The following TRPA1 variants were observed in gnomAD, a reference collection of about 807,000 sequenced individuals.
TRPA1 encodes transient receptor potential cation channel subfamily A member 1.
A neutral mutation model predicts 131.3 loss-of-function variants in TRPA1; 129 were observed. The observed-to-expected ratio is 0.98, with a 90% CI of 0.85 to 1.14. TRPA1 has a LOEUF of 1.14. Among genes scored for constraint, TRPA1 ranks in the 50% most tolerant of loss-of-function variants. TRPA1 has a pLI of 0.00. For synonymous variants in TRPA1, 441 were observed against 451.7 expected (o/e 0.98, Z 0.30); for missense variants, 1,304 against 1,354.2 (o/e 0.96, Z 0.58).
chr8:72,029,370 A>G (rs1192654211), intron 24 of TRPA1, among the ~76,000 whole-genome samples: 1 of 152,180 alleles, frequency 6.6e-6, no homozygotes, highest in African/African-American at 2.4e-5. Flanking sequence ...CAATTTCTCT[A>G]AGATTGTTCT....
chr8:72,043,298 AT>A (rs34011334), intron 17 of TRPA1, among the ~76,000 whole-genome samples: 126 of 151,926 alleles, frequency 8.3e-4, no homozygotes, highest in Non-Finnish European at 1.4e-3. Flanking sequence ...AGGGATAATT[AT>A]TTTGTATTTA....
At chr8:72,088,447 T>G in the TRPA1 span, among the ~76,000 whole-genome samples, 1 of 146,838 alleles carries the variant, frequency 6.8e-6, no homozygotes, top group South Asian at 2.3e-4. Context: ...GACAACAATC[T>G]CAATCCAATT....
chr8:72,081,924 A>G, the TRPA1 span, among the ~76,000 whole-genome samples: 1 of 151,878 alleles, frequency 6.6e-6, no homozygotes, highest in Non-Finnish European at 1.5e-5. Flanking sequence ...TCTTTTATAC[A>G]GGTTGACAGT....
chr8:72,053,592 T>A lies in TRPA1; in HGVS notation c.1644+161A>T, dbSNP rs1428205569. On this transcript the variant is annotated intron_variant, in intron 13 of 26. Coordinates refer to ENST00000262209, the MANE Select transcript of TRPA1 (RefSeq NM_007332.3). Reference sequence around the variant, plus strand: ...TGGTATTCTCCCAATTCTGTTGCCTTTTGATTCATACTTCACCTCAAGAAT... The same window carrying A: ...TGGTATTCTCCCAATTCTGTTGCCTATTGATTCATACTTCACCTCAAGAAT... 4 of 666,010 alleles carry A rather than the reference T, an allele frequency of 6.0e-6. 1 individual carries two copies. Among genetic ancestry groups the A allele is most frequent in the South Asian group, 4.9e-5 (3 of 61,388 alleles). The allele number at this position is 666,010 out of a possible 1,614,324, so 41.3% of individuals were successfully genotyped here.
intron 26 of TRPA1, chr8:72,023,483 G>A (rs1415198684): frequency 4.7e-6 from 2 of 423,812 alleles, no homozygotes; most frequent in Non-Finnish European, 8.6e-6. Flanking sequence ...CCACCACATA[G>A]TTACTCCAGG....
chr8:72,050,734 T>A, intron 15 of TRPA1, 44 bp downstream of exon 15: 1 of 1,253,744 alleles, frequency 8.0e-7, no homozygotes, highest in African/African-American at 1.5e-5. Context: ...CAACAACATA[T>A]GTCAAGCATA....
chr8:72,052,688 T>C lies in TRPA1; in HGVS notation c.1722A>G (p.Ile574Met). 6.2e-7 allele frequency: 1 copy of C among 1,613,858 alleles called. No individual in the cohort carries two copies. The highest frequency in any genetic ancestry group is 2.2e-5 in the East Asian group (1 of 44,856). Residue 574 changes from isoleucine to methionine, a missense_variant, in exon 14 of 27, where the codon ATA (isoleucine) becomes ATG (methionine). Physicochemically the swap from Ile to Met is conservative, Grantham distance 10 (BLOSUM62 1). Coordinates refer to ENST00000262209, the MANE Select transcript of TRPA1 (RefSeq NM_007332.3). ...VALLLSHNAD[I>M]VLNKQQASFL... ...AGGAGGCCTGCTGCTTGTTCAGGACTATGTCAGCATTGTGGCTCAGAAGAA... is the reference window on the plus strand; with the variant it reads ...AGGAGGCCTGCTGCTTGTTCAGGACCATGTCAGCATTGTGGCTCAGAAGAA...
intron 24 of TRPA1, among the ~76,000 whole-genome samples, chr8:72,027,586 C>T (rs1321249420): frequency 6.6e-6 from 1 of 152,184 alleles, no homozygotes; most frequent in Non-Finnish European, 1.5e-5. Flanking sequence ...GAAGAACTGA[C>T]AGTCCCCATA....
At chr8:72,073,987 C>T (rs1319489863) in intron 1 of TRPA1, among the ~76,000 whole-genome samples, 1 of 152,200 alleles carries the variant, frequency 6.6e-6, no homozygotes, top group Non-Finnish European at 1.5e-5. Flanking sequence ...ACATGCCTGA[C>T]TCACACACAC....
chr8:72,069,192 T>A lies in TRPA1; in HGVS notation c.275A>T (p.His92Leu), dbSNP rs758533782. The A allele has an allele frequency of 6.2e-7, 1 of 1,614,214 alleles. No homozygotes were observed. The highest frequency in any genetic ancestry group is 2.2e-5 in the East Asian group (1 of 44,876). ...ITRDSSLEVLHEMDDYGNTPL... is the reference protein window; with the variant it reads ...ITRDSSLEVLLEMDDYGNTPL... ...GGTATTTCCATAATCATCCATTTCA[T>A]GCAGCACTAGAAAAAGAAACCAGAA... Residue 92 changes from histidine to leucine, a missense_variant, in exon 3 of 27, where the codon CAT becomes CTT. By Grantham distance (99) the His-to-Leu change is moderately conservative. Coordinates refer to ENST00000262209, the MANE Select transcript of TRPA1 (RefSeq NM_007332.3).
At position 72,059,422 on chromosome 8, in the gene TRPA1, G is replaced by T; in HGVS notation, c.961C>A (p.His321Asn). ...TMLHRASLFDHHELADYLISV... is the reference protein window; with the variant it reads ...TMLHRASLFDNHELADYLISV... ...ATTAAATAGTCTGCTAGCTCATGGT[G>T]ATCAAACAATGAAGCTCTGAAAAAA... Residue 321 changes from histidine to asparagine, a missense_variant, in exon 8 of 27, where the codon CAC (histidine) becomes AAC (asparagine). Coordinates refer to ENST00000262209, the MANE Select transcript of TRPA1 (RefSeq NM_007332.3). 6.3e-7 allele frequency: 1 copy of T among 1,584,338 alleles called. No homozygotes were observed. The highest frequency in any genetic ancestry group is 8.6e-7 in the Non-Finnish European group (1 of 1,158,960).
At chr8:72,037,166 CT>C (rs985116227) in intron 20 of TRPA1, among the ~76,000 whole-genome samples, 41 of 152,028 alleles carry the variant, frequency 2.7e-4, no homozygotes, top group African/African-American at 8.7e-4. Context: ...CTTAATGTAC[CT>C]ATATGAAAGT....
chr8:72,056,778 C>G (rs1022713338), intron 10 of TRPA1, 139 bp downstream of exon 10: 8 of 689,382 alleles, frequency 1.2e-5, no homozygotes, highest in Middle Eastern at 8.0e-4. Context: ...ACTAAATAGT[C>G]AAATATGTCA....
At position 72,034,280 on chromosome 8, in the gene TRPA1, C is replaced by T. The variant is rs1264221196; in HGVS notation, c.2653G>A (p.Gly885Arg). The T allele has an allele frequency of 1.2e-6, 2 of 1,608,088 alleles. No individual in the cohort carries two copies. Among genetic ancestry groups the T allele is most frequent in the South Asian group, 1.1e-5 (1 of 89,350 alleles). ...TTCAGGAGGATGTAAAAGCTGAGTC[C>T]AAAAGCCAGAAGAAGGAAGATAAAT... ...VVFIFLLLAF[G>R]LSFYILLNLQ... The change falls in exon 22 of 27, where the codon GGA becomes AGA. Residue 885 changes from glycine (G) to arginine (R), a missense_variant. Gly to Arg is a moderately radical substitution (Grantham distance 125). Coordinates refer to ENST00000262209, the MANE Select transcript of TRPA1 (RefSeq NM_007332.3).
At position 72,055,550 on chromosome 8, in the gene TRPA1, G is replaced by A. The variant is rs575496142; in HGVS notation, c.1415C>T (p.Thr472Met). 2.7e-5 allele frequency: 44 copies of A among 1,613,500 alleles called. No individual in the cohort carries two copies. Among genetic ancestry groups the A allele is most frequent in the South Asian group, 1.2e-4 (11 of 91,060 alleles). ...CQRLLQDISD[T>M]RLLNEGDLHG... Reference sequence around the variant, plus strand: ...AAGGTCACCTTCATTCAGAAGCCTCGTATCACTTATGTCTTGTAGGAGCCT... The same window carrying A: ...AAGGTCACCTTCATTCAGAAGCCTCATATCACTTATGTCTTGTAGGAGCCT... The change falls in exon 12 of 27, where the codon ACG becomes ATG. Residue 472 changes from threonine (T) to methionine (M), a missense_variant. Thr to Met is a moderately conservative substitution (Grantham distance 81, BLOSUM62 -1). Transcript: ENST00000262209.
At chr8:72,023,450 A>T (rs542396086) in intron 26 of TRPA1, 4 of 453,116 alleles carry the variant, frequency 8.8e-6, no homozygotes, top group Non-Finnish European at 1.6e-5. Flanking sequence ...ACTAACTGTA[A>T]AACCCTCATG....
intron 3 of TRPA1, among the ~76,000 whole-genome samples, chr8:72,067,369 T>G (rs2129436469): frequency 6.6e-6 from 1 of 152,314 alleles, no homozygotes; most frequent in East Asian, 1.9e-4. Context: ...ATAGTTGTGG[T>G]TGGTAAGACC....
chr8:72,058,819 C>T (rs1450818814), intron 8 of TRPA1, among the ~76,000 whole-genome samples: 2 of 152,172 alleles, frequency 1.3e-5, no homozygotes, highest in Admixed American at 6.5e-5. Context: ...GTGCAGCTTA[C>T]GTAAATTCAC....
intron 4 of TRPA1, among the ~76,000 whole-genome samples, chr8:72,065,037 A>T (rs1805898565): frequency 6.6e-6 from 1 of 152,176 alleles, no homozygotes; most frequent in Non-Finnish European, 1.5e-5. Flanking sequence ...CTTTTCTCTT[A>T]TGGGCCAAAT....
Sources: allele counts gnomAD v4.1 joint callset (sites outside exome capture counted in the v4.1 genomes callset), GRCh38; gene constraint gnomAD v4.1.1; transcripts MANE v1.5; gene names NCBI Gene and HGNC (gene_info 2026-07-23, HGNC 2026-07-21).